The following DPP10 variants were observed in gnomAD, a reference collection of about 807,000 sequenced individuals.
The protein encoded by DPP10 is dipeptidyl peptidase like 10.
DPP10 carries 33 observed loss-of-function variants against 120.9 expected under a neutral mutation model. The observed-to-expected ratio is 0.27, with a 90% CI of 0.21 to 0.37. DPP10 has a LOEUF of 0.37. DPP10 is among the 10% of genes least tolerant of loss of function. DPP10 has a pLI of 1.00. For missense variants in DPP10, 816 were observed against 942.8 expected (o/e 0.87, Z 1.76); for synonymous variants, 337 against 326.1 (o/e 1.03, Z -0.36).
chr2:115,048,694 A>T (rs1220473899), intron 1 of DPP10, among the ~76,000 whole-genome samples: 1 of 152,106 alleles, frequency 6.6e-6, no homozygotes. Flanking sequence ...TCCATTTTAC[A>T]TAACAGTGCA....
intron 4 of DPP10, among the ~76,000 whole-genome samples, chr2:115,501,187 A>G (rs755723308): frequency 2.0e-5 from 3 of 152,154 alleles, no homozygotes; most frequent in South Asian, 2.1e-4. Flanking sequence ...GAATTATTCT[A>G]TTATGTGGCT....
intron 3 of DPP10, among the ~76,000 whole-genome samples, chr2:115,491,148 C>A (rs1426692101): frequency 6.6e-6 from 1 of 152,110 alleles, no homozygotes; most frequent in East Asian, 1.9e-4. Flanking sequence ...AACAAAACCT[C>A]CCCCAAAAAA....
chr2:114,685,817 C>T (rs533488282), intron 1 of DPP10, among the ~76,000 whole-genome samples: 2 of 152,008 alleles, frequency 1.3e-5, no homozygotes, highest in African/African-American at 4.8e-5. Flanking sequence ...ATTCCTTGTC[C>T]GTGTGATCAC....
chr2:114,771,902 G>A (rs899283940), intron 1 of DPP10, among the ~76,000 whole-genome samples: 3 of 152,054 alleles, frequency 2.0e-5, no homozygotes, highest in Non-Finnish European at 4.4e-5. Flanking sequence ...AGCAGATTAC[G>A]TCTTGAAACA....
At chr2:115,143,246 G>A (rs1559141735) in intron 1 of DPP10, among the ~76,000 whole-genome samples, 2 of 152,162 alleles carry the variant, frequency 1.3e-5, no homozygotes, top group Non-Finnish European at 2.9e-5. Context: ...ATAGGCAGAA[G>A]GGTACACCAT....
chr2:115,375,986 AAGAAT>A (rs2065764961), intron 3 of DPP10, among the ~76,000 whole-genome samples: 1 of 152,206 alleles, frequency 6.6e-6, no homozygotes, highest in African/African-American at 2.4e-5. Flanking sequence ...TGCTTGGTAT[AAGAAT>A]ATTCATTAGG....
chr2:115,693,168 A>C (rs2091408948), intron 7 of DPP10, among the ~76,000 whole-genome samples: 1 of 152,210 alleles, frequency 6.6e-6, no homozygotes, highest in African/African-American at 2.4e-5. Context: ...CAAACAATGC[A>C]TTTAATCTAC....
At chr2:114,710,217 A>G (rs561857955) in intron 1 of DPP10, among the ~76,000 whole-genome samples, 32 of 152,324 alleles carry the variant, frequency 2.1e-4, no homozygotes, top group African/African-American at 7.7e-4. Flanking sequence ...TCAAGTGCTT[A>G]TTTTCTACAG....
intron 1 of DPP10, among the ~76,000 whole-genome samples, chr2:114,993,578 G>GTGTATATATA (rs1293765052): frequency 1.5e-4 from 13 of 89,198 alleles, no homozygotes; most frequent in African/African-American, 5.0e-4. Context: ...GTGTGTGTGT[G>GTGTATATATA]TGTATATATA....
chr2:115,659,635 G>T (rs62157876), intron 5 of DPP10, among the ~76,000 whole-genome samples: 11,670 of 152,172 alleles, frequency 0.077, 632 homozygotes, highest in Non-Finnish European at 0.11. Context: ...TGCTTTCATG[G>T]TATGTCCATA....
chr2:114,771,354 C>T (rs1681231102), intron 1 of DPP10, among the ~76,000 whole-genome samples: 1 of 152,166 alleles, frequency 6.6e-6, no homozygotes, highest in African/African-American at 2.4e-5. Context: ...TATGTCCTTC[C>T]TCACCTGGAC....
chr2:114,913,082 G>T (rs1387269203), intron 1 of DPP10, among the ~76,000 whole-genome samples: 1 of 152,176 alleles, frequency 6.6e-6, no homozygotes, highest in Non-Finnish European at 1.5e-5. Context: ...CTGGCTGGGT[G>T]TATCTGCTTG....
intron 21 of DPP10, among the ~76,000 whole-genome samples, chr2:115,827,745 G>C (rs1688524242): frequency 6.6e-6 from 1 of 151,528 alleles, no homozygotes; most frequent in East Asian, 2.0e-4. Flanking sequence ...ACAGGTGTGG[G>C]CCACCATGCC....
chr2:115,733,360 G>A (rs2092955708), intron 8 of DPP10, among the ~76,000 whole-genome samples: 1 of 152,152 alleles, frequency 6.6e-6, no homozygotes, highest in Non-Finnish European at 1.5e-5. Context: ...GGAGTCACAG[G>A]AAGGCAGGGT....
At chr2:115,607,117 G>C (rs2083753102) in intron 5 of DPP10, among the ~76,000 whole-genome samples, 1 of 152,192 alleles carries the variant, frequency 6.6e-6, no homozygotes, top group African/African-American at 2.4e-5. Context: ...ATGAAATGAT[G>C]TCAGCCTGCA....
intron 1 of DPP10, among the ~76,000 whole-genome samples, chr2:115,211,204 G>A (rs1421910329): frequency 6.7e-6 from 1 of 149,108 alleles, no homozygotes; most frequent in Admixed American, 6.7e-5. Context: ...AGAAAGTTGA[G>A]TTGCTTACTT....
chr2:115,242,646 A>G (rs1351633750), intron 1 of DPP10, among the ~76,000 whole-genome samples: 7 of 146,274 alleles, frequency 4.8e-5, no homozygotes, highest in Non-Finnish European at 1.5e-5. Flanking sequence ...AGGTGTTCCC[A>G]TTTCACCACA....
rs1380422242 is a variant in DPP10 at position 114,542,163 on chromosome 2, T to G, written c.60+99325T>G. Among the ~76,000 whole-genome samples the G allele has an allele frequency of 2.6e-5, 4 of 150,988 alleles. No individual in the cohort carries two copies. In the Admixed American group the frequency reaches 2.7e-4, roughly 10 times the overall value. ...CCCGGGTTCCAGTGATTCTTCTACC[T>G]TAACCTCCTGAGTAGCTGGTATGAC... On this transcript the variant is annotated intron_variant, in intron 1 of 25. Coordinates refer to ENST00000410059, the MANE Select transcript of DPP10 (RefSeq NM_020868.6).
chr2:114,983,210 A>C (rs747894366), intron 1 of DPP10, among the ~76,000 whole-genome samples: 26 of 152,210 alleles, frequency 1.7e-4, no homozygotes, highest in Admixed American at 7.2e-4. Flanking sequence ...ATTTTAAATC[A>C]GGGTTATCAG....
Sources: gnomAD v4.1 joint callset for allele counts (sites outside exome capture counted in the v4.1 genomes callset) on GRCh38, gnomAD v4.1.1 for gene constraint, MANE v1.5 for transcripts, NCBI Gene and HGNC (gene_info 2026-07-23, HGNC 2026-07-21) for gene names.